The following CACNA2D3 variants were observed in gnomAD, a reference collection of about 807,000 sequenced individuals.
CACNA2D3 encodes the protein voltage-dependent calcium channel subunit alpha-2/delta-3.
CACNA2D3 carries 60 observed loss-of-function variants against 160.6 expected under a neutral mutation model. That is an observed-to-expected ratio of 0.37 (90% confidence interval 0.30 to 0.46). CACNA2D3 has a LOEUF of 0.46. Ranked by LOEUF, CACNA2D3 falls within the 20% of genes least tolerant of loss-of-function variation. CACNA2D3 has a pLI of 1.00. For synonymous variants in CACNA2D3, 558 were observed against 492.9 expected (o/e 1.13, Z -1.75); for missense variants, 1,205 against 1,365.0 (o/e 0.88, Z 1.85).
chr3:54,227,428 T>A (rs543116962), intron 2 of CACNA2D3, among the ~76,000 whole-genome samples: 13 of 151,978 alleles, frequency 8.6e-5, no homozygotes, highest in African/African-American at 3.1e-4. Flanking sequence ...GAAAAAAAAA[T>A]AACAAATTTT....
Position 54,614,935 on chromosome 3 carries a change from G to A in CACNA2D3, c.964-12852G>A, listed in dbSNP as rs141063597. On this transcript the variant is annotated intron_variant, in intron 9 of 37. Coordinates refer to ENST00000474759, the MANE Select transcript of CACNA2D3 (RefSeq NM_018398.3). Reference sequence around the variant, plus strand: ...CAACCCATGCTGAGACTAAAATGATGAAGCAGAAAAGCCATTGATGATACT... The same window carrying A: ...CAACCCATGCTGAGACTAAAATGATAAAGCAGAAAAGCCATTGATGATACT... Among the ~76,000 whole-genome samples the A allele has an allele frequency of 2.6e-5, 4 of 152,256 alleles. No individual in the cohort carries two copies. The East Asian group carries it at 7.7e-4, about 29-fold the overall frequency.
At chr3:54,237,899 G>A (rs1430812657) in intron 2 of CACNA2D3, among the ~76,000 whole-genome samples, 3 of 152,148 alleles carry the variant, frequency 2.0e-5, no homozygotes, top group Non-Finnish European at 4.4e-5. Flanking sequence ...TAGGAAATGC[G>A]AAACCAAGTT....
At chr3:54,622,630 G>A (rs1310389055) in intron 9 of CACNA2D3, among the ~76,000 whole-genome samples, 2 of 150,966 alleles carry the variant, frequency 1.3e-5, no homozygotes, top group Non-Finnish European at 2.9e-5. Flanking sequence ...TATACCAATT[G>A]CCTCCACACA....
intron 35 of CACNA2D3, among the ~76,000 whole-genome samples, chr3:55,028,967 G>A (rs568524182): frequency 2.4e-4 from 37 of 152,262 alleles, no homozygotes; most frequent in African/African-American, 7.7e-4. Context: ...AATTGGTCTC[G>A]AAGCTGTGTT....
At chr3:54,285,596 A>C (rs1236665390) in intron 2 of CACNA2D3, among the ~76,000 whole-genome samples, 1 of 152,200 alleles carries the variant, frequency 6.6e-6, no homozygotes, top group African/African-American at 2.4e-5. Flanking sequence ...TTCTCCCAGC[A>C]CACAGCTGGA....
chr3:54,141,889 G>A (rs555910639), intron 2 of CACNA2D3, among the ~76,000 whole-genome samples: 33 of 152,126 alleles, frequency 2.2e-4, no homozygotes, highest in Non-Finnish European at 4.1e-4. Flanking sequence ...GTATCATGCC[G>A]GCTCTTGGAT....
chr3:54,283,972 G>A (rs1162906012), intron 2 of CACNA2D3, among the ~76,000 whole-genome samples: 3 of 152,132 alleles, frequency 2.0e-5, no homozygotes, highest in Non-Finnish European at 4.4e-5. Flanking sequence ...TGAGGCACGG[G>A]AATTGCTTGA....
chr3:54,569,990 C>G lies in CACNA2D3; in HGVS notation c.774C>G (p.Val258=). The change falls in exon 8 of 38, where the codon GTC becomes GTG. Residue 258 remains valine (V), a synonymous_variant. Transcript: ENST00000474759. ...CAGCAACTTCTCCGAAAGACGTGGT[C>G]ATTTTAGTTGACGTCAGTGGCAGCA... The part of the protein sequence containing the change: ...IQAATSPKDV[V]ILVDVSGSMK... 1 of 1,614,006 alleles carries G rather than the reference C, an allele frequency of 6.2e-7. No homozygotes were observed.
chr3:54,474,460 A>G (rs1188800624), intron 4 of CACNA2D3, among the ~76,000 whole-genome samples: 2 of 152,150 alleles, frequency 1.3e-5, no homozygotes, highest in African/African-American at 4.8e-5. Flanking sequence ...TGATGGGTTG[A>G]TGGGTGCAGC....
At chr3:54,438,118 G>A (rs115948149) in intron 4 of CACNA2D3, among the ~76,000 whole-genome samples, 363 of 152,318 alleles carry the variant, frequency 2.4e-3, no homozygotes, top group African/African-American at 8.4e-3. Flanking sequence ...GGTTATAGAA[G>A]TGCAGAAGAG....
chr3:54,906,110 C>G (rs1700443040), intron 27 of CACNA2D3, among the ~76,000 whole-genome samples: 1 of 152,030 alleles, frequency 6.6e-6, no homozygotes, highest in South Asian at 2.1e-4. Context: ...GCTGCAGCAA[C>G]CTCTGAGAAT....
At chr3:54,187,002 A>C (rs1481449372) in intron 2 of CACNA2D3, among the ~76,000 whole-genome samples, 2 of 152,198 alleles carry the variant, frequency 1.3e-5, no homozygotes, top group African/African-American at 2.4e-5. Flanking sequence ...TCTACAAGAG[A>C]CACTGTGACC....
At chr3:54,956,581 A>C (rs1030521296) in intron 27 of CACNA2D3, among the ~76,000 whole-genome samples, 15 of 152,088 alleles carry the variant, frequency 9.9e-5, no homozygotes, top group African/African-American at 3.6e-4. Flanking sequence ...TCCCTCTTCA[A>C]CTGGTCTTAG....
At chr3:54,815,976 A>G (rs1200567888) in intron 13 of CACNA2D3, among the ~76,000 whole-genome samples, 1 of 152,242 alleles carries the variant, frequency 6.6e-6, no homozygotes, top group Non-Finnish European at 1.5e-5. Context: ...GGCAGTCATA[A>G]TACTGTGGAA....
chr3:54,992,193 C>T (rs1169584727), intron 31 of CACNA2D3, among the ~76,000 whole-genome samples: 1 of 152,168 alleles, frequency 6.6e-6, no homozygotes, highest in Non-Finnish European at 1.5e-5. Context: ...CTGTGATTCT[C>T]ATGTGCAGCC....
intron 11 of CACNA2D3, among the ~76,000 whole-genome samples, chr3:54,741,344 T>G (rs1293016152): frequency 6.6e-6 from 1 of 152,192 alleles, no homozygotes; most frequent in African/African-American, 2.4e-5. Context: ...TTTGCAGAAT[T>G]AATCCTCCCT....
intron 11 of CACNA2D3, among the ~76,000 whole-genome samples, chr3:54,719,129 T>C (rs577392551): frequency 6.6e-6 from 1 of 151,474 alleles, no homozygotes; most frequent in South Asian, 2.1e-4. Context: ...TATATACCTT[T>C]TATTTCTTTT....
intron 9 of CACNA2D3, among the ~76,000 whole-genome samples, chr3:54,613,564 C>T (rs1027439345): frequency 1.3e-5 from 2 of 152,190 alleles, no homozygotes; most frequent in African/African-American, 4.8e-5. Context: ...GGCTTTCTAT[C>T]CCATATTATG....
At chr3:54,892,955 T>G (rs1465979495) in intron 25 of CACNA2D3, among the ~76,000 whole-genome samples, 2 of 152,154 alleles carry the variant, frequency 1.3e-5, no homozygotes, top group African/African-American at 4.8e-5. Flanking sequence ...AGCGATGATC[T>G]CTTTTGGTTA....
Sources: allele counts gnomAD v4.1 joint callset (sites outside exome capture counted in the v4.1 genomes callset), GRCh38; gene constraint gnomAD v4.1.1; transcripts MANE v1.5; gene names NCBI Gene and HGNC (gene_info 2026-07-23, HGNC 2026-07-21).